Variants in CHST11 observed in about 807,000 individuals in gnomAD.
The protein encoded by CHST11 is carbohydrate sulfotransferase 11.
CHST11 carries 9 observed loss-of-function variants against 30.4 expected under a neutral mutation model. The ratio of observed to expected loss-of-function variants is 0.30; its 90% CI spans 0.18 to 0.52. The LOEUF is 0.52. CHST11 is among the 20% of genes least tolerant of loss of function. CHST11 has a pLI of 0.97. For synonymous variants in CHST11, 152 were observed against 187.8 expected (o/e 0.81, Z 1.56); for missense variants, 348 against 460.6 (o/e 0.76, Z 2.24).
intron 2 of CHST11, among the ~76,000 whole-genome samples, chr12:104,642,133 T>C (rs1474611282): frequency 6.6e-6 from 1 of 152,174 alleles, no homozygotes; most frequent in African/African-American, 2.4e-5. Context: ...GGTAGGTACA[T>C]AGTACTCATC....
At chr12:104,584,831 C>A (rs1411865638) in intron 1 of CHST11, among the ~76,000 whole-genome samples, 1 of 152,162 alleles carries the variant, frequency 6.6e-6, no homozygotes, top group Non-Finnish European at 1.5e-5. Context: ...TAGCAAACAT[C>A]TTTGCGCGTC....
chr12:104,593,702 G>A (rs1219268113), intron 1 of CHST11, among the ~76,000 whole-genome samples: 2 of 152,094 alleles, frequency 1.3e-5, no homozygotes, highest in African/African-American at 2.4e-5. Flanking sequence ...TAGCTATGTC[G>A]CTGGGTCAGT....
At chr12:104,550,407 G>A (rs1224315148) in intron 1 of CHST11, among the ~76,000 whole-genome samples, 1 of 152,218 alleles carries the variant, frequency 6.6e-6, no homozygotes, top group Non-Finnish European at 1.5e-5. Flanking sequence ...GTTCCTCGAA[G>A]GCAGGGGTTG....
chr12:104,581,266 C>T (rs1393919980), intron 1 of CHST11, among the ~76,000 whole-genome samples: 5 of 152,154 alleles, frequency 3.3e-5, no homozygotes, highest in Non-Finnish European at 5.9e-5. Context: ...GGAACAACCT[C>T]AAGCTTGGCC....
At chr12:104,528,669 T>C (rs535252718) in intron 1 of CHST11, among the ~76,000 whole-genome samples, 25 of 152,328 alleles carry the variant, frequency 1.6e-4, no homozygotes, top group African/African-American at 5.5e-4. Context: ...TGCACTAGAC[T>C]GTGCTGTTTT....
intron 1 of CHST11, among the ~76,000 whole-genome samples, chr12:104,474,562 A>G (rs1168646920): frequency 6.6e-6 from 1 of 152,222 alleles, no homozygotes; most frequent in African/African-American, 2.4e-5. Flanking sequence ...TCCAGGGCTG[A>G]TAGTAAGTGC....
chr12:104,527,291 T>C (rs1565975436), intron 1 of CHST11, among the ~76,000 whole-genome samples: 1 of 152,218 alleles, frequency 6.6e-6, no homozygotes, highest in South Asian at 2.1e-4. Context: ...GGCCACCCAG[T>C]CTGTGGTACT....
At chr12:104,495,344 G>T (rs2037789358) in intron 1 of CHST11, among the ~76,000 whole-genome samples, 1 of 152,088 alleles carries the variant, frequency 6.6e-6, no homozygotes, top group Admixed American at 6.6e-5. Flanking sequence ...AAAGAAGTGG[G>T]ATTGCCAGGT....
At chr12:104,753,049 T>C (rs2040446472) in intron 2 of CHST11, among the ~76,000 whole-genome samples, 1 of 152,206 alleles carries the variant, frequency 6.6e-6, no homozygotes, top group Non-Finnish European at 1.5e-5. Context: ...GCCAGAATGG[T>C]GTGACAAGCA....
At chr12:104,700,932 A>G (rs577171485) in intron 2 of CHST11, among the ~76,000 whole-genome samples, 120 of 152,280 alleles carry the variant, frequency 7.9e-4, no homozygotes, top group Middle Eastern at 6.8e-3. Flanking sequence ...AACATAGTGA[A>G]ACCCTGTCTC....
intron 2 of CHST11, among the ~76,000 whole-genome samples, chr12:104,703,884 C>T (rs969679377): frequency 5.9e-5 from 9 of 152,208 alleles, no homozygotes; most frequent in Admixed American, 1.3e-4. Flanking sequence ...TTATCATCGA[C>T]GCCTGGTTTT....
chr12:104,622,533 G>T (rs532670088), intron 2 of CHST11, among the ~76,000 whole-genome samples: 11 of 152,164 alleles, frequency 7.2e-5, no homozygotes, highest in Non-Finnish European at 1.5e-4. Flanking sequence ...ACAGTGCAAA[G>T]AGAAGGAAGA....
chr12:104,514,301 C>A, intron 1 of CHST11: 1 of 901,342 alleles, frequency 1.1e-6, no homozygotes, highest in Non-Finnish European at 1.9e-6. Flanking sequence ...CGGTGTTTGG[C>A]AGCCTGATCA....
chr12:104,580,790 G>A (rs2038735283), intron 1 of CHST11, among the ~76,000 whole-genome samples: 1 of 152,138 alleles, frequency 6.6e-6, no homozygotes, highest in Admixed American at 6.5e-5. Flanking sequence ...TAGAGACGGG[G>A]TTTCAAGTCC....
intron 2 of CHST11, among the ~76,000 whole-genome samples, chr12:104,618,077 T>G (rs2039125179): frequency 6.6e-6 from 1 of 151,784 alleles, no homozygotes; most frequent in Non-Finnish European, 1.5e-5. Flanking sequence ...CCCAGCTAAT[T>G]TTTGTATTTT....
chr12:104,701,749 T>C (rs1245354578), intron 2 of CHST11, among the ~76,000 whole-genome samples: 1 of 152,038 alleles, frequency 6.6e-6, no homozygotes, highest in Non-Finnish European at 1.5e-5. Context: ...CCATGGGAAG[T>C]AGGGGGAAGC....
chr12:104,492,118 A>G (rs1162659442), intron 1 of CHST11, among the ~76,000 whole-genome samples: 3 of 152,064 alleles, frequency 2.0e-5, no homozygotes, highest in Non-Finnish European at 4.4e-5. Context: ...TTATTTAGAG[A>G]TGGAGTCTCG....
intron 1 of CHST11, among the ~76,000 whole-genome samples, chr12:104,549,604 A>G (rs1210458322): frequency 6.6e-6 from 1 of 152,178 alleles, no homozygotes; most frequent in African/African-American, 2.4e-5. Context: ...AAGGAGATTA[A>G]TAATTCTGGT....
At chr12:104,747,398 G>A (rs930711368) in intron 2 of CHST11, among the ~76,000 whole-genome samples, 2 of 152,222 alleles carry the variant, frequency 1.3e-5, no homozygotes, top group African/African-American at 4.8e-5. Context: ...ACCTCATAGA[G>A]TGTGAAGATC....
Sources: allele counts gnomAD v4.1 joint callset (sites outside exome capture counted in the v4.1 genomes callset), GRCh38; gene constraint gnomAD v4.1.1; transcripts MANE v1.5; gene names NCBI Gene and HGNC (gene_info 2026-07-23, HGNC 2026-07-21).